Variants in NIM1K observed in about 807,000 individuals in gnomAD.
The protein encoded by NIM1K is serine/threonine-protein kinase NIM1.
NIM1K carries 35 observed loss-of-function variants against 37.1 expected under a neutral mutation model. The observed-to-expected ratio is 0.94, with a 90% confidence interval of 0.72 to 1.25. NIM1K has a LOEUF of 1.25. NIM1K is among the 50% of genes most tolerant of loss of function. NIM1K has a pLI of 0.00. For synonymous variants in NIM1K, 234 were observed against 206.6 expected, an observed-to-expected ratio of 1.13 and a Z score of -1.14; for missense variants, 564 against 548.0, an observed-to-expected ratio of 1.03 and a Z score of -0.29.
intron 1 of NIM1K, among the ~76,000 whole-genome samples, chr5:43,214,813 C>CAAAAAAAAA (rs369233525): frequency 2.8e-5 from 2 of 71,732 alleles, no homozygotes; most frequent in African/African-American, 5.5e-5. Flanking sequence ...GACTCCGTCT[C>CAAAAAAAAA]AAAAAAAAAA....
At chr5:43,250,824 G>T (rs765558949) in intron 2 of NIM1K, among the ~76,000 whole-genome samples, 3 of 152,232 alleles carry the variant, frequency 2.0e-5, no homozygotes, top group African/African-American at 2.4e-5. Flanking sequence ...ACTTTGAGAA[G>T]TTTCATACAA....
chr5:43,233,306 G>T, intron 1 of NIM1K: 1 of 327,038 alleles, frequency 3.1e-6, no homozygotes, highest in Non-Finnish European at 5.0e-6. Context: ...AGGCAAGAGT[G>T]ACACTTAAAA....
At chr5:43,260,880 G>A (rs924721362) in intron 2 of NIM1K, among the ~76,000 whole-genome samples, 6 of 152,076 alleles carry the variant, frequency 3.9e-5, no homozygotes, top group Admixed American at 1.3e-4. Context: ...CTGTCCTTGC[G>A]ATAGTTTGCT....
intron 1 of NIM1K, among the ~76,000 whole-genome samples, chr5:43,200,985 C>T (rs1293042385): frequency 6.6e-6 from 1 of 151,752 alleles, no homozygotes; most frequent in African/African-American, 2.4e-5. Context: ...ATTAGCCAGG[C>T]ACGGTGACAG....
rs200483616 is a variant in NIM1K, at chr5:43,246,076, C to T, written c.292+9C>T. On this transcript the variant is annotated intron_variant, in intron 2 of 3. Transcript: ENST00000326035. ...TCACTCCCTAACCAAAGGTAGGATC[C>T]GACTTCCCAAGGGTCATCCCTGGCA... 65 of 1,600,694 alleles carry T rather than the reference C, an allele frequency of 4.1e-5. No individual in the cohort carries two copies. The highest frequency in any genetic ancestry group is 3.5e-4 in the African/African-American group (26 of 74,864).
intron 2 of NIM1K, among the ~76,000 whole-genome samples, chr5:43,262,931 T>C (rs1422197066): frequency 1.3e-5 from 2 of 152,220 alleles, no homozygotes; most frequent in African/African-American, 4.8e-5. Context: ...TTGCGTATGT[T>C]GAATGAGCCT....
At chr5:43,241,832 G>A (rs1732228299) in intron 1 of NIM1K, among the ~76,000 whole-genome samples, 1 of 151,824 alleles carries the variant, frequency 6.6e-6, no homozygotes, top group Admixed American at 6.6e-5. Flanking sequence ...TTTCTTTAAT[G>A]GCTTTCGCTG....
At chr5:43,211,645 G>T (rs4473775) in intron 1 of NIM1K, among the ~76,000 whole-genome samples, 7 of 152,106 alleles carry the variant, frequency 4.6e-5, no homozygotes, top group South Asian at 2.1e-4. Context: ...ATATGGAGGG[G>T]GGTAAGTGGG....
At chr5:43,277,431 C>G in intron 3 of NIM1K, 106 bp downstream of exon 3, 4 of 1,205,932 alleles carry the variant, frequency 3.3e-6, no homozygotes, top group Non-Finnish European at 3.5e-6. Context: ...TTTTGTCCTA[C>G]AAAGCAGACA....
At chr5:43,239,533 T>A (rs1200422807) in intron 1 of NIM1K, among the ~76,000 whole-genome samples, 1 of 151,090 alleles carries the variant, frequency 6.6e-6, no homozygotes, top group Non-Finnish European at 1.5e-5. Flanking sequence ...CCACCGCGCC[T>A]GCTTTTTTTT....
chr5:43,240,795 C>T (rs1347002955), intron 1 of NIM1K, among the ~76,000 whole-genome samples: 1 of 151,910 alleles, frequency 6.6e-6, no homozygotes, highest in Non-Finnish European at 1.5e-5. Flanking sequence ...CCTCAGCCTC[C>T]CAAAGTGCTG....
intron 1 of NIM1K, chr5:43,231,889 C>A: frequency 1.8e-6 from 2 of 1,090,258 alleles, no homozygotes; most frequent in African/African-American, 1.6e-5. Context: ...TTCTCAAGGG[C>A]AGTCATGTCC....
At chr5:43,224,824 T>G (rs917913509) in intron 1 of NIM1K, among the ~76,000 whole-genome samples, 2 of 151,590 alleles carry the variant, frequency 1.3e-5, no homozygotes, top group African/African-American at 4.8e-5. Context: ...GCCTCCCAAG[T>G]AGCTGCGATT....
Position 43,280,071 on chromosome 5 carries a change from G to C in NIM1K, c.653G>C (p.Ser218Thr). The C allele has an allele frequency of 6.2e-7, 1 of 1,614,150 alleles. No homozygotes were observed. Among genetic ancestry groups the C allele is most frequent in the Non-Finnish European group, 8.5e-7 (1 of 1,180,024 alleles). ...TCVKVGDFGFSTVSKKGEMLN... is the reference protein window; with the variant it reads ...TCVKVGDFGFTTVSKKGEMLN... ...GTGAAGGTGGGCGATTTTGGATTCAGCACAGTAAGCAAAAAAGGTGAAATG... is the reference window on the plus strand; with the variant it reads ...GTGAAGGTGGGCGATTTTGGATTCACCACAGTAAGCAAAAAAGGTGAAATG... The change falls in exon 4 of 4, where the codon AGC (serine) becomes ACC (threonine). Residue 218 changes from serine to threonine, a missense_variant. Ser to Thr is a moderately conservative substitution (Grantham distance 58). Transcript: ENST00000326035.
rs375539675 is a variant in NIM1K, at chr5:43,273,726, G to A, written c.293-3331G>A. Reference sequence around the variant, plus strand: ...AGCACACACCTTATGTCTTGCCTGGGCAGCACACTTGCCAAGCTCCTAGGC... The same window carrying A: ...AGCACACACCTTATGTCTTGCCTGGACAGCACACTTGCCAAGCTCCTAGGC... On this transcript the variant is annotated intron_variant, in intron 2 of 3. Coordinates refer to ENST00000326035, the MANE Select transcript of NIM1K (RefSeq NM_153361.4). 5.5e-4 allele frequency among the ~76,000 whole-genome samples: 83 copies of A among 152,254 alleles called. 1 individual carries two copies. The East Asian group carries it at 0.015, about 27-fold the overall frequency.
chr5:43,265,874 A>C (rs947098921), intron 2 of NIM1K, among the ~76,000 whole-genome samples: 2 of 152,122 alleles, frequency 1.3e-5, no homozygotes, highest in Non-Finnish European at 2.9e-5. Flanking sequence ...GGTCTGTTGG[A>C]GTTTGCTGGA....
intron 1 of NIM1K, among the ~76,000 whole-genome samples, chr5:43,200,632 C>T (rs1029737145): frequency 2.0e-5 from 3 of 152,086 alleles, no homozygotes; most frequent in African/African-American, 7.2e-5. Flanking sequence ...AGAACACAAC[C>T]GTAAGATACA....
chr5:43,203,395 A>G (rs1051541475), intron 1 of NIM1K, among the ~76,000 whole-genome samples: 21 of 152,228 alleles, frequency 1.4e-4, no homozygotes, highest in Non-Finnish European at 7.3e-5. Flanking sequence ...GTTTTGGCCA[A>G]TGAAAGGTGG....
intron 1 of NIM1K, among the ~76,000 whole-genome samples, chr5:43,194,210 T>C (rs142107331): frequency 6.1e-4 from 93 of 152,242 alleles, no homozygotes; most frequent in East Asian, 5.6e-3. Context: ...GCATTTACAT[T>C]TGGAAGCCTA....
Sources: gnomAD v4.1 joint callset for allele counts (sites outside exome capture counted in the v4.1 genomes callset) on GRCh38, gnomAD v4.1.1 for gene constraint, MANE v1.5 for transcripts, NCBI Gene and HGNC (gene_info 2026-07-23, HGNC 2026-07-21) for gene names.